The following GDAP1 variants were observed in gnomAD, a reference collection of about 807,000 sequenced individuals.
The protein encoded by GDAP1 is ganglioside induced differentiation associated protein 1.
A neutral mutation model predicts 40.1 loss-of-function variants in GDAP1; 34 were observed. That is an observed-to-expected ratio of 0.85 (90% CI 0.64 to 1.13). The LOEUF is 1.13. Among genes scored for constraint, GDAP1 ranks in the 50% most tolerant of loss-of-function variants. GDAP1 has a pLI of 0.00. For synonymous variants in GDAP1, 170 were observed against 157.4 expected (o/e 1.08, Z -0.60); for missense variants, 374 against 433.7 (o/e 0.86, Z 1.22).
chr8:74,380,533 A>G (rs1421025445), intron 2 of GDAP1, among the ~76,000 whole-genome samples: 1 of 151,326 alleles, frequency 6.6e-6, no homozygotes, highest in Non-Finnish European at 1.5e-5. Context: ...GGGCATGTTC[A>G]GTGTATTTCT....
chr8:74,486,233 A>G lies in GDAP1; in HGVS notation c.166-2445A>G, dbSNP rs1806775048. Reference sequence around the variant, plus strand: ...CCAAGAAACCTATAGAGTTACTATTATTCGTTTTTTATTTTTTATGGCAGG... The same window carrying G: ...CCAAGAAACCTATAGAGTTACTATTGTTCGTTTTTTATTTTTTATGGCAGG... On this transcript the variant is annotated intron_variant, in intron 2 of 2. Transcript: ENST00000523640. Among the ~76,000 whole-genome samples the G allele has an allele frequency of 1.3e-5, 2 of 152,190 alleles. 1 individual carries two copies. The highest frequency in any genetic ancestry group is 2.9e-5 in the Non-Finnish European group (2 of 68,016).
chr8:74,450,555 T>A (rs1806289301), intron 2 of GDAP1, among the ~76,000 whole-genome samples: 1 of 151,948 alleles, frequency 6.6e-6, no homozygotes, highest in African/African-American at 2.4e-5. Context: ...ACATACACAT[T>A]TCTCTGGTAG....
At chr8:74,486,231 T>C (rs1207788937) in intron 2 of GDAP1, among the ~76,000 whole-genome samples, 1 of 152,198 alleles carries the variant, frequency 6.6e-6, no homozygotes, top group Non-Finnish European at 1.5e-5. Flanking sequence ...AGAGTTACTA[T>C]TATTCGTTTT....
chr8:74,374,915 A>T (rs918051445), intron 2 of GDAP1, among the ~76,000 whole-genome samples: 4 of 152,264 alleles, frequency 2.6e-5, no homozygotes, highest in Non-Finnish European at 4.4e-5. Flanking sequence ...TCTATCATGT[A>T]TGAAGTGAGA....
chr8:74,374,510 A>T (rs1319767397), intron 2 of GDAP1, among the ~76,000 whole-genome samples: 1 of 152,208 alleles, frequency 6.6e-6, no homozygotes, highest in Non-Finnish European at 1.5e-5. Flanking sequence ...AGGAAAAAAA[A>T]ATCAATGCAG....
chr8:74,414,770 A>G (rs1805758022), intron 2 of GDAP1, among the ~76,000 whole-genome samples: 1 of 150,136 alleles, frequency 6.7e-6, no homozygotes, highest in Non-Finnish European at 1.5e-5. Flanking sequence ...GAAGATTTCA[A>G]AAACTTAATG....
chr8:74,419,987 A>C (rs894300458), intron 2 of GDAP1, among the ~76,000 whole-genome samples: 2 of 152,138 alleles, frequency 1.3e-5, no homozygotes, highest in African/African-American at 4.8e-5. Context: ...TTTATTTCTG[A>C]GCTCTCAATT....
chr8:74,381,357 A>T (rs141221220), intron 2 of GDAP1, among the ~76,000 whole-genome samples: 1 of 152,318 alleles, frequency 6.6e-6, no homozygotes, highest in East Asian at 1.9e-4. Flanking sequence ...TTATGGTACA[A>T]CCATAATGTT....
chr8:74,363,363 T>G (rs1809467213), intron 5 of GDAP1, among the ~76,000 whole-genome samples: 1 of 152,214 alleles, frequency 6.6e-6, no homozygotes, highest in South Asian at 2.1e-4. Flanking sequence ...GCTTGAATAT[T>G]CCCTCTAGTT....
At chr8:74,376,449 C>T (rs868622707) in intron 2 of GDAP1, among the ~76,000 whole-genome samples, 2 of 150,762 alleles carry the variant, frequency 1.3e-5, no homozygotes, top group Non-Finnish European at 1.5e-5. Flanking sequence ...CCCGGGTTCA[C>T]GCCATTCTCC....
intron 2 of GDAP1, among the ~76,000 whole-genome samples, chr8:74,351,770 T>C (rs1808887392): frequency 6.6e-6 from 1 of 152,226 alleles, no homozygotes; most frequent in African/African-American, 2.4e-5. Flanking sequence ...TTTCTTAGTC[T>C]TAAATTCATA....
At chr8:74,376,551 G>A (rs902016894) in intron 2 of GDAP1, 1 of 152,148 alleles carries the variant, frequency 6.6e-6, no homozygotes, top group Non-Finnish European at 1.5e-5. Context: ...GGGTTTCACT[G>A]TGTTAGCTAG....
chr8:74,373,236 G>T (rs918315848), intron 2 of GDAP1, among the ~76,000 whole-genome samples: 9 of 152,072 alleles, frequency 5.9e-5, no homozygotes, highest in African/African-American at 1.9e-4. Context: ...ACTTGGCAAT[G>T]CAGGCTCTTT....
downstream of GDAP1, among the ~76,000 whole-genome samples, chr8:74,367,828 G>C (rs1357466153): frequency 1.3e-5 from 2 of 152,204 alleles, no homozygotes; most frequent in African/African-American, 4.8e-5. Flanking sequence ...TTAGACAGTG[G>C]ATGGATGACA....
At chr8:74,381,085 T>TGC (rs771665665) in intron 2 of GDAP1, among the ~76,000 whole-genome samples, 1 of 151,096 alleles carries the variant, frequency 6.6e-6, no homozygotes, top group African/African-American at 2.4e-5. Flanking sequence ...GTTATTTGAG[T>TGC]GTGTGTGTGT....
chr8:74,389,554 C>T (rs929376300), intron 2 of GDAP1, among the ~76,000 whole-genome samples: 1 of 152,162 alleles, frequency 6.6e-6, no homozygotes, highest in Admixed American at 6.5e-5. Context: ...TGCTGTTAGT[C>T]TGATGGACTT....
At chr8:74,448,402 C>T (rs1806259107) in intron 2 of GDAP1, among the ~76,000 whole-genome samples, 1 of 152,096 alleles carries the variant, frequency 6.6e-6, no homozygotes, top group Non-Finnish European at 1.5e-5. Context: ...TGTTGACAGA[C>T]ATTTGGACAT....
chr8:74,400,556 A>G (rs1381612999), intron 2 of GDAP1, among the ~76,000 whole-genome samples: 1 of 149,992 alleles, frequency 6.7e-6, no homozygotes, highest in African/African-American at 2.5e-5. Context: ...ATTTACATTT[A>G]AAGCTAATAC....
At chr8:74,429,219 G>C (rs535494301) in intron 2 of GDAP1, among the ~76,000 whole-genome samples, 2 of 151,906 alleles carry the variant, frequency 1.3e-5, no homozygotes, top group South Asian at 2.1e-4. Flanking sequence ...TAATCCTTTG[G>C]GTATATACCC....
Sources: gnomAD v4.1 joint callset for allele counts (sites outside exome capture counted in the v4.1 genomes callset) on GRCh38, gnomAD v4.1.1 for gene constraint, MANE v1.5 for transcripts, NCBI Gene and HGNC (gene_info 2026-07-23, HGNC 2026-07-21) for gene names.